ADAMTSL1: variants seen among roughly 807,000 people sequenced by gnomAD.
The protein encoded by ADAMTSL1 is ADAMTS like 1.
Under a neutral mutation model 201.8 loss-of-function variants are expected in ADAMTSL1, and 126 were observed. The observed-to-expected ratio is 0.62, with a 90% confidence interval of 0.54 to 0.72. The LOEUF (loss-of-function observed/expected upper bound fraction) is 0.72. ADAMTSL1 is among the 30% of genes least tolerant of loss of function. The probability of loss-of-function intolerance (pLI) is 0.00; values close to 1 mark genes in which losing one functional copy is unlikely to be tolerated. For synonymous variants in ADAMTSL1, 1,121 were observed against 903.4 expected (o/e 1.24, Z -4.32); for missense variants, 2,679 against 2,277.8 (o/e 1.18, Z -3.59).
chr9:18,063,741 T>C (rs1822566235), intron 1 of ADAMTSL1, among the ~76,000 whole-genome samples: 1 of 152,074 alleles, frequency 6.6e-6, no homozygotes. Context: ...AACCAATAAT[T>C]GGGGAAACTA....
intron 1 of ADAMTSL1, among the ~76,000 whole-genome samples, chr9:18,071,491 G>T (rs1822966231): frequency 6.6e-6 from 1 of 152,186 alleles, no homozygotes; most frequent in African/African-American, 2.4e-5. Flanking sequence ...TTATGTTATT[G>T]TTCCAAATTC....
intron 1 of ADAMTSL1, among the ~76,000 whole-genome samples, chr9:18,158,015 TACTC>T (rs1347020347): frequency 1.3e-5 from 2 of 151,936 alleles, no homozygotes; most frequent in Admixed American, 6.6e-5. Context: ...CAACCAAAAA[TACTC>T]ACAGAGGTAA....
intron 23 of ADAMTSL1, among the ~76,000 whole-genome samples, chr9:18,859,250 T>C (rs984912827): frequency 2.0e-5 from 3 of 152,184 alleles, no homozygotes; most frequent in Admixed American, 2.0e-4. Flanking sequence ...GGGAAATATA[T>C]TCGTCTTTTC....
At chr9:18,320,047 C>A (rs905961437) in intron 2 of ADAMTSL1, among the ~76,000 whole-genome samples, 1 of 152,132 alleles carries the variant, frequency 6.6e-6, no homozygotes, top group Non-Finnish European at 1.5e-5. Flanking sequence ...GAGTTGAGAA[C>A]AGCCCTCATC....
At chr9:18,884,329 A>T (rs1393757559) in intron 23 of ADAMTSL1, among the ~76,000 whole-genome samples, 1 of 152,108 alleles carries the variant, frequency 6.6e-6, no homozygotes, top group East Asian at 1.9e-4. Flanking sequence ...ATCTCATCAG[A>T]TCTATGATTT....
chr9:17,987,668 C>A (rs1012827103), intron 1 of ADAMTSL1, among the ~76,000 whole-genome samples: 3 of 152,060 alleles, frequency 2.0e-5, no homozygotes, highest in African/African-American at 7.2e-5. Context: ...AATTGATTAA[C>A]CATCACATTC....
intron 2 of ADAMTSL1, among the ~76,000 whole-genome samples, chr9:18,304,906 G>A (rs975380631): frequency 1.3e-5 from 2 of 151,990 alleles, no homozygotes; most frequent in Admixed American, 6.6e-5. Flanking sequence ...AACAGTGTAC[G>A]TTCCTGGGCA....
intron 9 of ADAMTSL1, among the ~76,000 whole-genome samples, chr9:18,664,042 AT>A (rs1466413468): frequency 6.6e-6 from 1 of 152,120 alleles, no homozygotes; most frequent in South Asian, 2.1e-4. Flanking sequence ...ACAAAGAAAG[AT>A]AAGTGAGAAA....
At chr9:18,337,698 T>A (rs1438450418) in intron 2 of ADAMTSL1, among the ~76,000 whole-genome samples, 1 of 152,158 alleles carries the variant, frequency 6.6e-6, no homozygotes, top group Non-Finnish European at 1.5e-5. Flanking sequence ...CTTCACCTCA[T>A]AGGCTAAATG....
intron 2 of ADAMTSL1, among the ~76,000 whole-genome samples, chr9:18,289,292 A>G (rs1049042457): frequency 2.0e-5 from 3 of 152,166 alleles, no homozygotes; most frequent in Non-Finnish European, 4.4e-5. Context: ...TTGGATACCC[A>G]GGAGAACTGA....
At chr9:17,929,076 C>A (rs1027503346) in intron 1 of ADAMTSL1, among the ~76,000 whole-genome samples, 2 of 151,924 alleles carry the variant, frequency 1.3e-5, no homozygotes, top group African/African-American at 4.8e-5. Context: ...TGGGTTAATG[C>A]CAATTAACCA....
chr9:18,761,521 C>G (rs1376936551), intron 16 of ADAMTSL1, among the ~76,000 whole-genome samples: 1 of 151,728 alleles, frequency 6.6e-6, no homozygotes, highest in Non-Finnish European at 1.5e-5. Flanking sequence ...AAAATAATGC[C>G]CCTTACTGGA....
chr9:18,831,239 G>A (rs1229298293), intron 23 of ADAMTSL1, among the ~76,000 whole-genome samples: 1 of 152,164 alleles, frequency 6.6e-6, no homozygotes, highest in Non-Finnish European at 1.5e-5. Flanking sequence ...TACAAGTTTG[G>A]CACTGAGTTT....
chr9:18,903,219 G>T (rs115951395), intron 26 of ADAMTSL1, among the ~76,000 whole-genome samples: 1,709 of 152,086 alleles, frequency 0.011, 43 homozygotes, highest in African/African-American at 0.039. Context: ...AAAGAAAAAA[G>T]AAACCAAGTA....
At chr9:18,556,663 C>T (rs922802836) in intron 3 of ADAMTSL1, among the ~76,000 whole-genome samples, 7 of 151,886 alleles carry the variant, frequency 4.6e-5, no homozygotes, top group African/African-American at 9.7e-5. Flanking sequence ...AAAATATGTC[C>T]ATGCTCCAAG....
At chr9:18,335,931 A>G (rs1049112593) in intron 2 of ADAMTSL1, among the ~76,000 whole-genome samples, 37 of 152,270 alleles carry the variant, frequency 2.4e-4, no homozygotes, top group Admixed American at 2.1e-3. Flanking sequence ...CTTAATATCT[A>G]TAGGAAGGGC....
At chr9:18,177,062 G>A (rs1397144630) in intron 2 of ADAMTSL1, among the ~76,000 whole-genome samples, 1 of 152,176 alleles carries the variant, frequency 6.6e-6, no homozygotes, top group Non-Finnish European at 1.5e-5. Flanking sequence ...ATGGATTTGA[G>A]CATTGACATA....
intron 2 of ADAMTSL1, among the ~76,000 whole-genome samples, chr9:18,452,013 C>T (rs866895192): frequency 3.5e-4 from 54 of 152,282 alleles, no homozygotes; most frequent in African/African-American, 1.3e-3. Flanking sequence ...CAGGTTCAAG[C>T]GATTCTCCTC....
chr9:18,737,022 A>G (rs191040143), intron 15 of ADAMTSL1, among the ~76,000 whole-genome samples: 35 of 152,248 alleles, frequency 2.3e-4, no homozygotes, highest in African/African-American at 8.2e-4. Context: ...AGGCCAATTA[A>G]AAAGGTGAAG....
Sources: gnomAD v4.1 joint callset for allele counts (sites outside exome capture counted in the v4.1 genomes callset) on GRCh38, gnomAD v4.1.1 for gene constraint, MANE v1.5 for transcripts, NCBI Gene and HGNC (gene_info 2026-07-23, HGNC 2026-07-21) for gene names.